Variants in CXADR observed in about 807,000 individuals in gnomAD.
The protein encoded by CXADR is coxsackievirus and adenovirus receptor.
A neutral mutation model predicts 40.3 loss-of-function variants in CXADR; 20 were observed. That is an observed-to-expected ratio of 0.50 (90% CI 0.35 to 0.72). The LOEUF is 0.72. Ranked by LOEUF, CXADR falls within the 30% of genes least tolerant of loss-of-function variation. The pLI is 0.01. For synonymous variants in CXADR, 150 were observed against 161.3 expected (o/e 0.93, Z 0.53); for missense variants, 332 against 449.1 (o/e 0.74, Z 2.36).
At chr21:17,515,798 T>C (rs1401533157) in intron 1 of CXADR, among the ~76,000 whole-genome samples, 1 of 152,182 alleles carries the variant, frequency 6.6e-6, no homozygotes, top group African/African-American at 2.4e-5. Context: ...AGAGCTAGAC[T>C]CCGTCTCTGA....
the CXADR span, among the ~76,000 whole-genome samples, chr21:17,629,563 C>CAAAAA: frequency 6.6e-6 from 1 of 151,844 alleles, no homozygotes; most frequent in Non-Finnish European, 1.5e-5. Context: ...GACCCTGTCT[C>CAAAAA]AAACAAAACA....
intron 1 of CXADR, among the ~76,000 whole-genome samples, chr21:17,541,041 C>T (rs2060820511): frequency 6.6e-6 from 1 of 152,058 alleles, no homozygotes; most frequent in African/African-American, 2.4e-5. Flanking sequence ...GTACCCCTTT[C>T]CCCCATGCAC....
chr21:17,601,055 C>T, the CXADR span, among the ~76,000 whole-genome samples: 12 of 151,932 alleles, frequency 7.9e-5, 1 homozygote, highest in South Asian at 2.1e-4. Flanking sequence ...CCCAGCTACT[C>T]GGGAGGCTGA....
rs78888925 is a variant in CXADR, at chr21:17,567,873, T to A, written c.*2181T>A. On this transcript the variant is annotated 3_prime_UTR_variant, in exon 7 of 7. Coordinates refer to ENST00000284878, the MANE Select transcript of CXADR (RefSeq NM_001338.5). ...TAAGACTTTCCTTCCTTTTTTTTTTTAATAACATATGAGGAACAAGACTTC... is the reference window on the plus strand; with the variant it reads ...TAAGACTTTCCTTCCTTTTTTTTTTAAATAACATATGAGGAACAAGACTTC... 6.2e-6 allele frequency: 6 copies of A among 971,162 alleles called. No individual in the cohort carries two copies. In the African/African-American group the frequency reaches 8.8e-5, roughly 14 times the overall value. 60.2% of individuals were successfully genotyped at this position (971,162 alleles called of 1,614,324 possible).
chr21:17,547,004 C>G, intron 1 of CXADR, 23 bp from the exon 2 acceptor site: 9 of 1,611,380 alleles, frequency 5.6e-6, no homozygotes, highest in Non-Finnish European at 7.6e-6. Flanking sequence ...AATGCTTAGT[C>G]CCTTGTACAT....
At chr21:17,595,668 T>C (rs1189148709), downstream of CXADR, among the ~76,000 whole-genome samples, 2 of 152,112 alleles carry the variant, frequency 1.3e-5, no homozygotes, top group East Asian at 1.9e-4. Flanking sequence ...ACATTGAGGC[T>C]GTTTTCAGTC....
chr21:17,594,350 CATTAA>C, downstream of CXADR: 1 of 1,598,860 alleles, frequency 6.3e-7, no homozygotes, highest in Non-Finnish European at 8.5e-7. Context: ...GAAGAGAACA[CATTAA>C]GTTAATTCAA....
At chr21:17,531,636 T>G (rs1173874053) in intron 1 of CXADR, among the ~76,000 whole-genome samples, 3 of 152,194 alleles carry the variant, frequency 2.0e-5, no homozygotes, top group Admixed American at 1.3e-4. Flanking sequence ...ACCTACAAAA[T>G]GTTCAGCCTC....
chr21:17,580,750 A>G (rs1436181324), intron 7 of CXADR, among the ~76,000 whole-genome samples: 1 of 152,096 alleles, frequency 6.6e-6, no homozygotes, highest in Non-Finnish European at 1.5e-5. Context: ...AATAAAAGTT[A>G]ATACAATGTT....
rs79963503 is a variant in CXADR at position 17,532,445 on chromosome 21, A to C, written c.44-14582A>C. Among the ~76,000 whole-genome samples, 40 of 152,292 alleles carry C rather than the reference A, an allele frequency of 2.6e-4. No individual in the cohort carries two copies. The East Asian group carries it at 7.1e-3, about 27-fold the overall frequency. ...TCATCGAGAACAAATTTCTCAAACT[A>C]GTAGTCATTTCTGTCTTTGCTCACA... is the stretch of plus-strand genomic sequence containing the variant. On this transcript the variant is annotated intron_variant, in intron 1 of 6. Transcript: ENST00000284878.
At chr21:17,628,482 C>T in the CXADR span, among the ~76,000 whole-genome samples, 7 of 151,886 alleles carry the variant, frequency 4.6e-5, no homozygotes, top group Non-Finnish European at 1.0e-4. Context: ...AGTCTGAAGG[C>T]AGAAAAACGT....
At position 17,561,334 on chromosome 21, in the gene CXADR, T is replaced by G; in HGVS notation, c.695-4T>G. 6.5e-7 allele frequency: 1 copy of G among 1,540,446 alleles called. No individual in the cohort carries two copies. The highest frequency in any genetic ancestry group is 2.3e-5 in the East Asian group (1 of 43,588). On this transcript the variant is annotated splice_region_variant and splice_polypyrimidine_tract_variant and intron_variant, in intron 5 of 6. Transcript: ENST00000284878. Reference sequence around the variant, plus strand: ...TTTTTTACTATTAATTCTTCTTATTTTAGCTTCAAATAAAGCTGGACTAAT... The same window carrying G: ...TTTTTTACTATTAATTCTTCTTATTGTAGCTTCAAATAAAGCTGGACTAAT...
the CXADR span, among the ~76,000 whole-genome samples, chr21:17,623,592 A>T: frequency 2.0e-5 from 3 of 152,144 alleles, no homozygotes; most frequent in Non-Finnish European, 4.4e-5. Flanking sequence ...AATCCTCTGA[A>T]CTTCAAACTT....
At chr21:17,586,721 T>A (rs139189302) in intron 7 of CXADR, among the ~76,000 whole-genome samples, 2 of 152,272 alleles carry the variant, frequency 1.3e-5, no homozygotes, top group African/African-American at 4.8e-5. Context: ...ATTTTTGTTT[T>A]GTTTTAGTTT....
the CXADR span, chr21:17,613,276 C>G: frequency 6.6e-6 from 1 of 152,224 alleles, no homozygotes; most frequent in Non-Finnish European, 1.5e-5. Context: ...TTTTGTTTCC[C>G]CCTCAGGTCT....
chr21:17,513,062 G>T lies in CXADR; in HGVS notation c.-68G>T. ...CGAGCCAGTCGGGAGCGCGCGAGGC[G>T]CGGGGAGCCTGGGACCAGGAGCGAG... On this transcript the variant is annotated 5_prime_UTR_variant, in exon 1 of 7. Transcript: ENST00000284878. 2 of 1,303,242 alleles carry T rather than the reference G, an allele frequency of 1.5e-6. No individual in the cohort carries two copies. The highest frequency in any genetic ancestry group is 9.8e-7 in the Non-Finnish European group (1 of 1,017,072). The allele number at this position is 1,303,242 out of a possible 1,614,324, so 80.7% of individuals were successfully genotyped here.
intron 1 of CXADR, among the ~76,000 whole-genome samples, chr21:17,528,390 C>CTTTTTTCT (rs1189349740): frequency 6.8e-6 from 1 of 147,758 alleles, no homozygotes; most frequent in African/African-American, 2.5e-5. Context: ...GTTCTTTTTT[C>CTTTTTTCT]TTTTTTCCCA....
At chr21:17,594,017 A>C, downstream of CXADR, 2 of 1,506,670 alleles carry the variant, frequency 1.3e-6, no homozygotes, top group Non-Finnish European at 1.8e-6. Context: ...ATTAGTAAGA[A>C]CTTTTAACTT....
Position 17,567,767 on chromosome 21 carries a change from G to A in CXADR, c.*2075G>A. The A allele has an allele frequency of 2.3e-6, 2 of 886,028 alleles. No homozygotes were observed. The highest frequency in any genetic ancestry group is 2.7e-6 in the Non-Finnish European group (2 of 739,376). 54.9% of individuals were successfully genotyped at this position (886,028 alleles called of 1,614,324 possible). A position where few individuals can be genotyped will look rare whatever the true frequency, so the allele number is the denominator to read the frequency against. On this transcript the variant is annotated 3_prime_UTR_variant, in exon 7 of 7. Transcript: ENST00000284878. The stretch of plus-strand genomic sequence containing the variant: ...ACAGAACATTAATAATAAAGTTTTG[G>A]TTCTTCCTATTCCTGACTTTCATAT...
Sources: allele counts gnomAD v4.1 joint callset (sites outside exome capture counted in the v4.1 genomes callset), GRCh38; gene constraint gnomAD v4.1.1; transcripts MANE v1.5; gene names NCBI Gene and HGNC (gene_info 2026-07-23, HGNC 2026-07-21).